Variants in ARID1B observed in about 807,000 individuals in gnomAD.
The protein encoded by ARID1B is AT-rich interaction domain 1B, also known as AT-rich interactive domain-containing protein 1B.
A neutral mutation model predicts 212.3 loss-of-function variants in ARID1B; 30 were observed. The ratio of observed to expected loss-of-function variants is 0.14; its 90% CI spans 0.11 to 0.19. ARID1B has a LOEUF of 0.19. Ranked by LOEUF, ARID1B falls within the 10% of genes least tolerant of loss-of-function variation. The probability of loss-of-function intolerance (pLI) is 1.00; values close to 1 mark genes in which losing one functional copy is unlikely to be tolerated. For synonymous variants in ARID1B, 1,402 were observed against 1,301.7 expected (o/e 1.08, Z -1.66); for missense variants, 2,891 against 3,204.0 (o/e 0.90, Z 2.36).
At chr6:157,138,179 T>C (rs1789068981) in intron 7 of ARID1B, among the ~76,000 whole-genome samples, 1 of 151,072 alleles carries the variant, frequency 6.6e-6, no homozygotes, top group Non-Finnish European at 1.5e-5. Context: ...TCTCTACTCT[T>C]CTAAGTTCAG....
intron 4 of ARID1B, among the ~76,000 whole-genome samples, chr6:157,026,826 G>C (rs1344257778): frequency 6.6e-6 from 1 of 152,168 alleles, no homozygotes; most frequent in Non-Finnish European, 1.5e-5. Flanking sequence ...ATTAGAAGAT[G>C]CACTTTTTAA....
intron 13 of ARID1B, chr6:157,186,457 C>A (rs954542667): frequency 2.1e-6 from 1 of 471,046 alleles, no homozygotes; most frequent in Non-Finnish European, 4.4e-6. Context: ...TCCAGGCACA[C>A]ACAGGCGTCT....
At chr6:157,109,368 G>A (rs138931654) in intron 5 of ARID1B, among the ~76,000 whole-genome samples, 20 of 152,328 alleles carry the variant, frequency 1.3e-4, no homozygotes, top group Non-Finnish European at 2.4e-4. Context: ...CGGTTAGCCT[G>A]ATCCAGCCGG....
In ARID1B at chr6:157,207,255, T is replaced by C. The variant is rs758522825; in HGVS notation, c.6483T>C (p.Ser2161=). ...ACATTTCCGGGCAGCTAGACTTGTC[T>C]GCTTACACGGAAAGCATCTGCTTGC... ...LANISGQLDL[S]AYTESICLPI... Residue 2161 remains serine, a synonymous_variant, in exon 20 of 20, where the codon TCT becomes TCC. Transcript: ENST00000636930. This position sits in a 1 kb window ranked among gnomAD's most constrained non-coding sequence, Gnocchi z 8.5. 1 of 1,614,206 alleles carries C rather than the reference T, an allele frequency of 6.2e-7. No homozygotes were observed. Among genetic ancestry groups the C allele is most frequent in the Non-Finnish European group, 8.5e-7 (1 of 1,180,018 alleles).
At position 157,053,918 on chromosome 6, in the gene ARID1B, C is replaced by CA. The variant is rs199812994; in HGVS notation, c.2248-30737dup. Among the ~76,000 whole-genome samples the CA allele has an allele frequency of 8.5e-3, 1,276 of 150,820 alleles. 9 individuals are homozygous for CA. The highest frequency in any genetic ancestry group is 0.048 in the Middle Eastern group (14 of 290). On this transcript the variant is annotated intron_variant, in intron 4 of 19. Coordinates refer to ENST00000636930, the MANE Select transcript of ARID1B (RefSeq NM_001374828.1). ...GTGAAACCCCGTCTCTACTAAAATA[C>CA]AAAAAAATAAAAATAAAAACATTAG... is the stretch of plus-strand genomic sequence containing the variant.
intron 2 of ARID1B, among the ~76,000 whole-genome samples, chr6:156,858,955 G>A (rs898795242): frequency 2.6e-5 from 4 of 152,128 alleles, no homozygotes; most frequent in African/African-American, 9.7e-5. Context: ...AGTAGAGGGT[G>A]AATGTGAAGG....
At chr6:156,861,846 GGTGA>G (rs1410575067) in intron 2 of ARID1B, among the ~76,000 whole-genome samples, 2 of 152,144 alleles carry the variant, frequency 1.3e-5, no homozygotes, top group African/African-American at 4.8e-5. Flanking sequence ...CTGAAAGGAA[GGTGA>G]GTGACAAGGG....
intron 2 of ARID1B, among the ~76,000 whole-genome samples, chr6:156,896,118 T>G (rs1358571683): frequency 6.6e-6 from 1 of 152,368 alleles, no homozygotes; most frequent in Non-Finnish European, 1.5e-5. Flanking sequence ...CCCATTTACC[T>G]TCTGTCTTAG....
chr6:156,839,850 G>C (rs1222251752), intron 2 of ARID1B, among the ~76,000 whole-genome samples: 1 of 152,190 alleles, frequency 6.6e-6, no homozygotes, highest in African/African-American at 2.4e-5. Flanking sequence ...AAGCCACCAA[G>C]GTCTGGCAAG....
chr6:157,148,732 C>G lies in ARID1B; in HGVS notation c.2870C>G (p.Pro957Arg), dbSNP rs1189230675. ...AACAACCAGATGCATGGACAAGGGC[C>G]AAGCCAGCCATGTGGTGCTGTGCCC... ...SANNQMHGQG[P>R]SQPCGAVPLG... The change falls in exon 8 of 20, where the codon CCA becomes CGA. Residue 957 changes from proline (P) to arginine (R), a missense_variant. Physicochemically the swap from Pro to Arg is moderately radical, Grantham distance 103. Around this residue, in one of 7 missense-constraint regions of ARID1B, gnomAD observed 1,643 missense variants for 1,544.0 expected, o/e 1.06. Coordinates refer to ENST00000636930, the MANE Select transcript of ARID1B (RefSeq NM_001374828.1). This position sits in a 1 kb window ranked among gnomAD's most constrained non-coding sequence, Gnocchi z 5.6. 6.2e-7 allele frequency: 1 copy of G among 1,613,074 alleles called. No homozygotes were observed. The highest frequency in any genetic ancestry group is 8.5e-7 in the Non-Finnish European group (1 of 1,179,984).
intron 1 of ARID1B, among the ~76,000 whole-genome samples, chr6:156,811,478 C>G (rs62435784): frequency 0.052 from 7,866 of 152,302 alleles, 265 homozygotes; most frequent in Middle Eastern, 0.11. Context: ...ATTTCTCCCT[C>G]TCAGTTCTGG....
At chr6:157,083,438 A>G (rs1784759032) in intron 4 of ARID1B, among the ~76,000 whole-genome samples, 1 of 152,222 alleles carries the variant, frequency 6.6e-6, no homozygotes, top group South Asian at 2.1e-4. Flanking sequence ...GGGGGCCTCC[A>G]TGGGAGCCAT....
chr6:156,875,866 AAAATCCC>A (rs1163661207), intron 2 of ARID1B, among the ~76,000 whole-genome samples: 1 of 152,256 alleles, frequency 6.6e-6, no homozygotes, highest in Non-Finnish European at 1.5e-5. Flanking sequence ...AAATGTGATG[AAAATCCC>A]CTGTGTTGTA....
intron 8 of ARID1B, 31 bp from the exon 9 acceptor site, chr6:157,167,009 T>C (rs2128289980): frequency 6.2e-7 from 1 of 1,605,556 alleles, no homozygotes; most frequent in Non-Finnish European, 8.5e-7. Context: ...GCATGGTCGG[T>C]ATATGTGTGC....
chr6:156,846,893 AC>A lies in ARID1B; in HGVS notation c.1986+17473del, dbSNP rs1784269995. On this transcript the variant is annotated intron_variant, in intron 2 of 19. Coordinates refer to ENST00000636930, the MANE Select transcript of ARID1B (RefSeq NM_001374828.1). ...CTGATTCCTGTCTTTGGGGTTCTGC[AC>A]TTTAATTAGCTTGCTTCTTATCCTG... 2.6e-5 allele frequency among the ~76,000 whole-genome samples: 4 copies of A among 152,146 alleles called. No individual in the cohort carries two copies. The South Asian group carries it at 8.3e-4, about 32-fold the overall frequency.
chr6:156,994,149 G>A (rs1426427564), intron 4 of ARID1B, among the ~76,000 whole-genome samples: 1 of 152,142 alleles, frequency 6.6e-6, no homozygotes, highest in African/African-American at 2.4e-5. Context: ...GATGCAGTGA[G>A]GGTAGAAATA....
At chr6:156,855,946 C>G (rs142757335) in intron 2 of ARID1B, among the ~76,000 whole-genome samples, 62 of 152,262 alleles carry the variant, frequency 4.1e-4, no homozygotes, top group Admixed American at 5.2e-4. Context: ...TCTCTGTTAT[C>G]AAAATTTTCA....
Position 156,777,784 on chromosome 6 carries a change from C to G in ARID1B, c.104C>G (p.Pro35Arg), listed in dbSNP as rs942239707. ...RRAPPGPRPA[P>R]GARDLEAGAR... is the part of the protein sequence containing the mutation. ...GCGCCCCCCGGGCCGCGGCCGGCGC[C>G]CGGAGCCCGGGACCTGGAGGCGGGG... Residue 35 changes from proline to arginine, a missense_variant, in exon 1 of 20, where the codon CCC becomes CGC. Around this residue, in one of 7 missense-constraint regions of ARID1B, gnomAD observed 1,643 missense variants for 1,544.0 expected, o/e 1.06. Transcript: ENST00000636930. 2.3e-5 allele frequency: 21 copies of G among 919,230 alleles called. No individual in the cohort carries two copies. Among genetic ancestry groups the G allele is most frequent in the Non-Finnish European group, 6.5e-6 (5 of 773,806 alleles). The allele number at this position is 919,230 out of a possible 1,614,324, so 56.9% of individuals were successfully genotyped here.
In ARID1B at chr6:157,184,344, G is replaced by A. The variant is rs61745451; in HGVS notation, c.3828G>A (p.Glu1276=). 2,957 of 1,614,212 alleles carry A rather than the reference G, an allele frequency of 1.8e-3. 34 individuals are homozygous for A. The African/African-American group carries it at 0.032, about 18-fold the overall frequency. The change falls in exon 13 of 20, where the codon GAG becomes GAA. Residue 1276 remains glutamate, a synonymous_variant. Coordinates refer to ENST00000636930, the MANE Select transcript of ARID1B (RefSeq NM_001374828.1). ...ATATTCAGTACCTGTTTGCCTTTGA[G>A]TGCAAGATCGAACGTGGGGAGGAGC... ...KQYIQYLFAF[E]CKIERGEEPP... is the part of the protein sequence containing the mutation.
Sources: allele counts gnomAD v4.1 joint callset (sites outside exome capture counted in the v4.1 genomes callset), GRCh38; gene constraint gnomAD v4.1.1; regional missense constraint gnomAD v4.1.1; non-coding constraint Gnocchi (gnomAD v3.1); transcripts MANE v1.5; gene names NCBI Gene and HGNC (gene_info 2026-07-23, HGNC 2026-07-21).